RAMP3: variants seen among roughly 807,000 people sequenced by gnomAD.
RAMP3 encodes the protein receptor activity modifying protein 3.
Under a neutral mutation model 13.5 loss-of-function variants are expected in RAMP3, and 14 were observed. That is an observed-to-expected ratio of 1.04 (90% CI 0.69 to 1.63). RAMP3 has a LOEUF of 1.63. Among genes scored for constraint, RAMP3 ranks in the 40% most tolerant of loss-of-function variants. RAMP3 has a pLI of 0.00. For missense variants in RAMP3, 200 were observed against 204.8 expected, an observed-to-expected ratio of 0.98 and a Z score of 0.14; for synonymous variants, 106 against 88.3, an observed-to-expected ratio of 1.20 and a Z score of -1.12.
rs913559256 is a variant in RAMP3, at chr7:45,183,236, G to A, written c.271G>A (p.Gly91Ser). The A allele has an allele frequency of 1.9e-6, 3 of 1,613,884 alleles. No homozygotes were observed. The highest frequency in any genetic ancestry group is 2.5e-6 in the Non-Finnish European group (3 of 1,180,020). The change falls in exon 3 of 3, where the codon GGC (glycine) becomes AGC (serine). Residue 91 changes from glycine to serine, a missense_variant. Physicochemically the swap from Gly to Ser is moderately conservative, Grantham distance 56. Transcript: ENST00000242249. ...CTACTGGCCCAACCCCCTGGCCCAG[G>A]GCTTCATCACCGGCATCCACAGGCA... The part of the protein sequence containing the change: ...GCYWPNPLAQ[G>S]FITGIHRQFF...
Position 45,184,153 on chromosome 7 carries a change from G to A in RAMP3, c.*741G>A, listed in dbSNP as rs1786380900. On this transcript the variant is annotated 3_prime_UTR_variant, in exon 3 of 3. Transcript: ENST00000242249. ...GCCTCCTTCCTACAGGGGCTCCTCT[G>A]TGGGTGAGGGGCCCTCTGGAATGGC... 1 of 398,674 alleles carries A rather than the reference G, an allele frequency of 2.5e-6. No homozygotes were observed. The allele number at this position is 398,674 out of a possible 1,614,324, so 24.7% of individuals were successfully genotyped here. A position where few individuals can be genotyped will look rare whatever the true frequency, so the allele number is the denominator to read the frequency against.
intron 2 of RAMP3, among the ~76,000 whole-genome samples, chr7:45,181,440 C>T (rs1786312734): frequency 6.6e-6 from 1 of 152,180 alleles, no homozygotes; most frequent in Non-Finnish European, 1.5e-5. Context: ...TCGCTGTCCA[C>T]AGAGGGTCTT....
At chr7:45,159,831 C>T (rs575953612) in intron 1 of RAMP3, among the ~76,000 whole-genome samples, 4 of 152,338 alleles carry the variant, frequency 2.6e-5, no homozygotes, top group East Asian at 3.9e-4. Flanking sequence ...AGTGACTGCA[C>T]TGGGCCTCAT....
chr7:45,182,660 A>T (rs1269316311), intron 2 of RAMP3, among the ~76,000 whole-genome samples: 3 of 151,788 alleles, frequency 2.0e-5, no homozygotes, highest in African/African-American at 7.3e-5. Context: ...CACAGGTCTG[A>T]CTCCCACTTG....
chr7:45,183,374 G>A lies in RAMP3; in HGVS notation c.409G>A (p.Val137Met). Residue 137 changes from valine (V) to methionine (M), a missense_variant, in exon 3 of 3, where the codon GTG becomes ATG. By Grantham distance (21) the Val-to-Met change is conservative. Coordinates refer to ENST00000242249, the MANE Select transcript of RAMP3 (RefSeq NM_005856.3). ...TCTGACTGTCGCCATGGCTGGCCTGGTGGTGTGGCGCAGCAAACGCACCGA... is the reference window on the plus strand; with the variant it reads ...TCTGACTGTCGCCATGGCTGGCCTGATGGTGTGGCGCAGCAAACGCACCGA... ...VVLTVAMAGL[V>M]VWRSKRTDTL... The A allele has an allele frequency of 1.2e-6, 2 of 1,613,486 alleles. No individual in the cohort carries two copies. Among genetic ancestry groups the A allele is most frequent in the East Asian group, 4.5e-5 (2 of 44,874 alleles).
chr7:45,184,156 G>A lies in RAMP3; in HGVS notation c.*744G>A. On this transcript the variant is annotated 3_prime_UTR_variant, in exon 3 of 3. Transcript: ENST00000242249. ...TCCTTCCTACAGGGGCTCCTCTGTG[G>A]GTGAGGGGCCCTCTGGAATGGCATC... 1.0e-5 allele frequency: 4 copies of A among 398,794 alleles called. No homozygotes were observed. In the East Asian group the frequency reaches 1.1e-4, roughly 11 times the overall value. 24.7% of individuals were successfully genotyped at this position (398,794 alleles called of 1,614,324 possible).
intron 1 of RAMP3, among the ~76,000 whole-genome samples, chr7:45,174,315 A>G (rs1256642860): frequency 6.6e-6 from 1 of 152,054 alleles, no homozygotes; most frequent in African/African-American, 2.4e-5. Flanking sequence ...GGGCCAGGGA[A>G]AGTACAGGCT....
chr7:45,161,319 G>C (rs1441571265), intron 1 of RAMP3, among the ~76,000 whole-genome samples: 1 of 152,232 alleles, frequency 6.6e-6, no homozygotes. Context: ...CACTGGGGGT[G>C]GTGGGGAATT....
At chr7:45,169,982 G>A (rs2128656648) in intron 1 of RAMP3, among the ~76,000 whole-genome samples, 1 of 152,120 alleles carries the variant, frequency 6.6e-6, no homozygotes, top group East Asian at 1.9e-4. Flanking sequence ...CTAATTTGTT[G>A]GCATATAGCA....
At chr7:45,170,301 G>A (rs920514892) in intron 1 of RAMP3, among the ~76,000 whole-genome samples, 16 of 151,560 alleles carry the variant, frequency 1.1e-4, no homozygotes, top group African/African-American at 3.6e-4. Context: ...GGAAGGCTGG[G>A]TAATTGATTT....
chr7:45,169,857 G>A (rs1786045065), intron 1 of RAMP3, among the ~76,000 whole-genome samples: 1 of 152,142 alleles, frequency 6.6e-6, no homozygotes, highest in Non-Finnish European at 1.5e-5. Flanking sequence ...TTCCAAGTAA[G>A]GTCAGAATCT....
intron 1 of RAMP3, among the ~76,000 whole-genome samples, chr7:45,168,448 T>C (rs1030791217): frequency 3.3e-5 from 5 of 151,782 alleles, no homozygotes; most frequent in Admixed American, 6.6e-5. Flanking sequence ...AACAGTGTTT[T>C]ATACTTTTCG....
chr7:45,177,580 C>A, intron 2 of RAMP3, 139 bp downstream of exon 2: 1 of 1,286,154 alleles, frequency 7.8e-7, no homozygotes. Flanking sequence ...AGGCCACCCA[C>A]AGCCCTTTCA....
chr7:45,165,846 C>A (rs1372171998), intron 1 of RAMP3, among the ~76,000 whole-genome samples: 2 of 152,166 alleles, frequency 1.3e-5, no homozygotes, highest in African/African-American at 2.4e-5. Flanking sequence ...AAGGTTCATT[C>A]ATATAGTGGT....
In RAMP3 at chr7:45,163,833, C is replaced by T. The variant is rs542434610; in HGVS notation, c.58+5947C>T. ...TCTGGAGGGTGGCACGGTCAAGCTT[C>T]AGAAGGACACGGGCCTCCATTCCTG... On this transcript the variant is annotated intron_variant, in intron 1 of 2. Coordinates refer to ENST00000242249, the MANE Select transcript of RAMP3 (RefSeq NM_005856.3). 2.1e-5 allele frequency: 21 copies of T among 985,410 alleles called. No individual in the cohort carries two copies. The East Asian group carries it at 2.4e-3, about 112-fold the overall frequency. 61.0% of individuals were successfully genotyped at this position (985,410 alleles called of 1,614,324 possible). A position where few individuals can be genotyped will look rare whatever the true frequency, so the allele number is the denominator to read the frequency against.
intron 1 of RAMP3, among the ~76,000 whole-genome samples, chr7:45,158,451 C>A (rs1785803420): frequency 6.6e-6 from 1 of 152,216 alleles, no homozygotes; most frequent in African/African-American, 2.4e-5. Context: ...TCTCCTAATG[C>A]CTTCTTCGGC....
At chr7:45,168,406 CAAAAAAAAAA>C (rs71030854) in intron 1 of RAMP3, among the ~76,000 whole-genome samples, 1 of 70,384 alleles carries the variant, frequency 1.4e-5, no homozygotes, top group Non-Finnish European at 2.5e-5. Flanking sequence ...ACTCTGTTTC[CAAAAAAAAAA>C]AAAAAAAAAA....
chr7:45,161,914 G>A (rs1446852333), intron 1 of RAMP3, among the ~76,000 whole-genome samples: 1 of 152,150 alleles, frequency 6.6e-6, no homozygotes, highest in Non-Finnish European at 1.5e-5. Flanking sequence ...GAGCTCAGGA[G>A]ACCCACCCAA....
At chr7:45,160,535 C>T (rs991492381) in intron 1 of RAMP3, among the ~76,000 whole-genome samples, 12 of 151,824 alleles carry the variant, frequency 7.9e-5, no homozygotes, top group African/African-American at 2.2e-4. Flanking sequence ...GGGGCAGAAC[C>T]GCCCAGAATC....
Sources: gnomAD v4.1 joint callset for allele counts (sites outside exome capture counted in the v4.1 genomes callset) on GRCh38, gnomAD v4.1.1 for gene constraint, MANE v1.5 for transcripts, NCBI Gene and HGNC (gene_info 2026-07-23, HGNC 2026-07-21) for gene names.